The following MITF variants were observed in gnomAD, a reference collection of about 807,000 sequenced individuals.
The protein encoded by MITF is melanocyte inducing transcription factor.
In MITF, 17 loss-of-function variants were observed where a neutral mutation model predicts 60.5. That is an observed-to-expected ratio of 0.28 (90% CI 0.19 to 0.42). The LOEUF (loss-of-function observed/expected upper bound fraction) is 0.42. MITF is among the 10% of genes least tolerant of loss of function. The pLI is 1.00. For synonymous variants in MITF, 260 were observed against 248.5 expected (o/e 1.05, Z -0.43); for missense variants, 622 against 683.5 (o/e 0.91, Z 1.00).
chr3:69,777,499 A>G (rs1481103700), intron 1 of MITF, among the ~76,000 whole-genome samples: 1 of 152,172 alleles, frequency 6.6e-6, no homozygotes, highest in East Asian at 1.9e-4. Context: ...CAGAGTACAA[A>G]TGATGTTTGA....
chr3:69,796,494 C>CTTTTTTGTTTTTTTTTTT (rs2062830197), intron 1 of MITF, among the ~76,000 whole-genome samples: 1 of 80,328 alleles, frequency 1.2e-5, no homozygotes, highest in Non-Finnish European at 2.6e-5. Flanking sequence ...CACCGTCTTT[C>CTTTTTTGTTTTTTTTTTT]TTTTTTTTTT....
At chr3:69,879,579 C>T (rs2064435980) in intron 2 of MITF, among the ~76,000 whole-genome samples, 196 bp downstream of exon 2, 1 of 152,182 alleles carries the variant, frequency 6.6e-6, no homozygotes, top group Admixed American at 6.5e-5. Flanking sequence ...GTAATAGTAA[C>T]AATCAGTAAA....
chr3:69,745,602 G>A (rs767563099), intron 1 of MITF, among the ~76,000 whole-genome samples: 4 of 152,194 alleles, frequency 2.6e-5, no homozygotes, highest in Non-Finnish European at 4.4e-5. Flanking sequence ...GACATTTAGG[G>A]TTTCCGTTTG....
chr3:69,944,359 G>A (rs2066043471), intron 5 of MITF, among the ~76,000 whole-genome samples: 1 of 152,040 alleles, frequency 6.6e-6, no homozygotes. Flanking sequence ...GAGGGGAGAA[G>A]GACAATTCAG....
chr3:69,835,171 C>T (rs1048030796), intron 1 of MITF, among the ~76,000 whole-genome samples: 1 of 151,928 alleles, frequency 6.6e-6, no homozygotes. Context: ...GAGCATGCCA[C>T]CACGCCTGGC....
intron 1 of MITF, among the ~76,000 whole-genome samples, chr3:69,801,657 C>T (rs149868702): frequency 6.6e-5 from 10 of 152,160 alleles, no homozygotes; most frequent in African/African-American, 1.9e-4. Flanking sequence ...ATTTTAGATT[C>T]CATGCAGTAG....
At chr3:69,907,572 G>C (rs1165013803) in intron 2 of MITF, among the ~76,000 whole-genome samples, 1 of 152,112 alleles carries the variant, frequency 6.6e-6, no homozygotes, top group Non-Finnish European at 1.5e-5. Context: ...CTCAGATCCT[G>C]GTCTAATGGC....
intron 1 of MITF, among the ~76,000 whole-genome samples, chr3:69,749,825 G>A (rs576470956): frequency 1.6e-4 from 24 of 152,264 alleles, no homozygotes; most frequent in Admixed American, 7.2e-4. Context: ...TCATCTCAGC[G>A]TGGTAATTTT....
chr3:69,857,168 A>G (rs1426228571), intron 1 of MITF, among the ~76,000 whole-genome samples: 1 of 152,090 alleles, frequency 6.6e-6, no homozygotes, highest in Non-Finnish European at 1.5e-5. Flanking sequence ...AGACAAGTAA[A>G]GAGGCAACTC....
chr3:69,959,461 G>A (rs776764850), intron 9 of MITF, 41 bp downstream of exon 9: 10 of 1,611,434 alleles, frequency 6.2e-6, no homozygotes, highest in Middle Eastern at 1.7e-4. Context: ...GCTTTTTACC[G>A]ACTTCAAGAC....
In MITF at chr3:69,941,236, A is replaced by G. The variant is rs987892243; in HGVS notation, c.667A>G (p.Met223Val). The G allele has an allele frequency of 1.3e-6, 2 of 1,599,222 alleles. No homozygotes were observed. The highest frequency in any genetic ancestry group is 2.7e-5 in the African/African-American group (2 of 74,624). Reference sequence around the variant, plus strand: ...TCTTCTCTTACCCTTTTTCCTACAGATGGATGATGTAATCGATGACATCAT... The same window carrying G: ...TCTTCTCTTACCCTTTTTCCTACAGGTGGATGATGTAATCGATGACATCAT... ...NTHSRASCMQ[M>V]DDVIDDIISL... The change falls in exon 5 of 10, where the codon ATG (methionine) becomes GTG (valine). Residue 223 changes from methionine to valine, a missense_variant and splice_region_variant. Around this residue, in one of 5 missense-constraint regions of MITF, gnomAD observed 215 missense variants for 224.8 expected, o/e 0.96. Coordinates refer to ENST00000352241, the MANE Select transcript of MITF (RefSeq NM_001354604.2).
chr3:69,844,963 G>A (rs912531206), intron 1 of MITF, among the ~76,000 whole-genome samples: 1 of 152,022 alleles, frequency 6.6e-6, no homozygotes, highest in African/African-American at 2.4e-5. Context: ...GCACTCTTCA[G>A]TTTTACTTTT....
intron 2 of MITF, among the ~76,000 whole-genome samples, chr3:69,880,389 A>C: frequency 6.6e-6 from 1 of 152,304 alleles, no homozygotes; most frequent in Middle Eastern, 3.4e-3. Flanking sequence ...TTCTTTAAAA[A>C]ACAAATCAAG....
chr3:69,898,356 A>T (rs537059005), intron 2 of MITF, among the ~76,000 whole-genome samples: 4 of 152,356 alleles, frequency 2.6e-5, no homozygotes, highest in South Asian at 4.1e-4. Flanking sequence ...GAGCAACAGC[A>T]AAGGGGATCA....
intron 1 of MITF, among the ~76,000 whole-genome samples, chr3:69,794,891 C>G (rs2062803410): frequency 6.6e-6 from 1 of 152,186 alleles, no homozygotes; most frequent in Admixed American, 6.5e-5. Flanking sequence ...CTTTTTTAGT[C>G]TAACAGTATA....
At chr3:69,892,548 A>G (rs1441730598) in intron 2 of MITF, among the ~76,000 whole-genome samples, 1 of 152,224 alleles carries the variant, frequency 6.6e-6, no homozygotes, top group Non-Finnish European at 1.5e-5. Context: ...TATCATAGAC[A>G]GTATTTTTAC....
chr3:69,921,423 A>C (rs1329918917), intron 2 of MITF, among the ~76,000 whole-genome samples: 4 of 152,198 alleles, frequency 2.6e-5, no homozygotes, highest in African/African-American at 9.6e-5. Context: ...GCTTTTTGAA[A>C]CATTAGAATT....
At chr3:69,875,806 G>T (rs1209538727) in intron 1 of MITF, among the ~76,000 whole-genome samples, 2 of 152,228 alleles carry the variant, frequency 1.3e-5, no homozygotes, top group African/African-American at 4.8e-5. Context: ...ACTTCTAAGA[G>T]AAAGGGATGT....
At position 69,870,440 on chromosome 3, in the gene MITF, A is replaced by ATTTT. The variant is rs1356293333; in HGVS notation, c.105-8684_105-8681dup. Among the ~76,000 whole-genome samples, 221 of 135,248 alleles carry ATTTT rather than the reference A, an allele frequency of 1.6e-3. 3 individuals are homozygous for ATTTT. The highest frequency in any genetic ancestry group is 5.8e-3 in the African/African-American group (211 of 36,196). The allele number at this position is 135,248 out of a possible 152,430, so 88.7% of individuals were successfully genotyped here. On this transcript the variant is annotated intron_variant, in intron 1 of 9. Coordinates refer to ENST00000352241, the MANE Select transcript of MITF (RefSeq NM_001354604.2). ...TATGTGTGTGTATATATATATATAT[A>ATTTT]TTTTTTTTTTTTTGAGACGGAATCT...
Sources: gnomAD v4.1 joint callset for allele counts (sites outside exome capture counted in the v4.1 genomes callset) on GRCh38, gnomAD v4.1.1 for gene constraint, gnomAD v4.1.1 regional missense constraint, MANE v1.5 for transcripts, NCBI Gene and HGNC (gene_info 2026-07-23, HGNC 2026-07-21) for gene names.